Variants in PLEKHG1 observed in about 807,000 individuals in gnomAD.
PLEKHG1 encodes pleckstrin homology and RhoGEF domain containing G1.
Under a neutral mutation model 100.8 loss-of-function variants are expected in PLEKHG1, and 44 were observed. The ratio of observed to expected loss-of-function variants is 0.44; its 90% CI spans 0.34 to 0.56. The LOEUF (loss-of-function observed/expected upper bound fraction) is 0.56, where lower values mean the gene tolerates loss of function less well. PLEKHG1 is among the 20% of genes least tolerant of loss of function. PLEKHG1 has a pLI of 0.01. For synonymous variants in PLEKHG1, 640 were observed against 662.5 expected (o/e 0.97, Z 0.52); for missense variants, 1,545 against 1,720.9 (o/e 0.90, Z 1.81).
intron 2 of PLEKHG1, among the ~76,000 whole-genome samples, chr6:150,751,477 C>G (rs1316260995): frequency 6.6e-6 from 1 of 152,182 alleles, no homozygotes; most frequent in Non-Finnish European, 1.5e-5. Context: ...GCGATGGCAT[C>G]TCCACCAGCC....
chr6:150,826,042 G>T (rs535048817), intron 14 of PLEKHG1, among the ~76,000 whole-genome samples: 2 of 151,974 alleles, frequency 1.3e-5, no homozygotes, highest in Admixed American at 6.6e-5. Flanking sequence ...TCAGCAGGGC[G>T]TGGTCGTGGG....
intron 3 of PLEKHG1, among the ~76,000 whole-genome samples, chr6:150,771,445 G>T (rs569925375): frequency 1.3e-5 from 2 of 151,886 alleles, no homozygotes; most frequent in South Asian, 2.1e-4. Context: ...ATGAATGAAC[G>T]AACGAACGAG....
intron 3 of PLEKHG1, among the ~76,000 whole-genome samples, chr6:150,702,568 G>GTGTGTA (rs1455933122): frequency 6.6e-6 from 1 of 151,424 alleles, no homozygotes; most frequent in Non-Finnish European, 1.5e-5. Context: ...GTGTGTGTGT[G>GTGTGTA]TGTGTGTGTG....
rs149701528 is a variant in PLEKHG1 at position 150,626,326 on chromosome 6, C to T, written c.-203-11754C>T. 3.5e-3 allele frequency among the ~76,000 whole-genome samples: 532 copies of T among 152,294 alleles called. 5 individuals are homozygous for T. Among genetic ancestry groups the T allele is most frequent in the African/African-American group, 0.012 (508 of 41,550 alleles). On this transcript the variant is annotated intron_variant, in intron 1 of 3. Transcript: ENST00000367326. ...GGTGTTATCTTCAGAGGCCTTCAGG[C>T]GAAGGCTCAGAGTTCCATGGCCAGC... is the stretch of plus-strand genomic sequence containing the variant.
rs568732147 is a variant in PLEKHG1, at chr6:150,756,536, C to T, written c.412-12102C>T. ...CTTGACAAACCGCCCATAAAGAGGT[C>T]GGTCCTTGTGTAGATTCTTTATTTT... On this transcript the variant is annotated intron_variant, in intron 2 of 15. Transcript: ENST00000358517. Among the ~76,000 whole-genome samples the T allele has an allele frequency of 3.3e-5, 5 of 152,224 alleles. No individual in the cohort carries two copies. In the South Asian group the frequency reaches 6.2e-4, roughly 19 times the overall value.
chr6:150,663,180 A>G (rs1441159965), intron 3 of PLEKHG1: 1 of 152,238 alleles, frequency 6.6e-6, no homozygotes, highest in Non-Finnish European at 1.5e-5. Flanking sequence ...TCAGACCTGC[A>G]ATTAAACAAA....
chr6:150,656,169 G>A (rs1272429575), intron 3 of PLEKHG1, among the ~76,000 whole-genome samples: 1 of 152,014 alleles, frequency 6.6e-6, no homozygotes, highest in East Asian at 1.9e-4. Context: ...GTGGTATAGG[G>A]ACTAGACATT....
chr6:150,760,872 A>C (rs1784116772), intron 2 of PLEKHG1, among the ~76,000 whole-genome samples: 2 of 152,058 alleles, frequency 1.3e-5, no homozygotes, highest in Admixed American at 1.3e-4. Context: ...AACAAAATTA[A>C]GTTTTTCTGC....
chr6:150,607,187 C>T (rs1403322300), intron 1 of PLEKHG1, among the ~76,000 whole-genome samples: 1 of 152,114 alleles, frequency 6.6e-6, no homozygotes, highest in African/African-American at 2.4e-5. Context: ...GACCATGGTC[C>T]AGCCTTAGCC....
intron 2 of PLEKHG1, among the ~76,000 whole-genome samples, chr6:150,755,325 A>G (rs1465089673): frequency 6.6e-6 from 1 of 152,070 alleles, no homozygotes; most frequent in Non-Finnish European, 1.5e-5. Flanking sequence ...TAATCTTCAG[A>G]CTCTCTGCCA....
At chr6:150,691,203 G>A (rs992963087) in intron 3 of PLEKHG1, among the ~76,000 whole-genome samples, 4 of 152,174 alleles carry the variant, frequency 2.6e-5, no homozygotes, top group African/African-American at 9.7e-5. Context: ...GAGATGGTCT[G>A]TTCTAATTCC....
chr6:150,620,786 G>C (rs956182576), intron 1 of PLEKHG1, among the ~76,000 whole-genome samples: 1 of 152,270 alleles, frequency 6.6e-6, no homozygotes, highest in Middle Eastern at 3.4e-3. Flanking sequence ...CTCTGCCCTC[G>C]TGGGGTTTGC....
At chr6:150,617,486 GT>G (rs1486856791) in intron 1 of PLEKHG1, among the ~76,000 whole-genome samples, 2 of 152,180 alleles carry the variant, frequency 1.3e-5, no homozygotes, top group Non-Finnish European at 2.9e-5. Context: ...ACTTTTAAAT[GT>G]TTTTAATGAC....
At chr6:150,751,369 C>T (rs1783502391) in intron 2 of PLEKHG1, among the ~76,000 whole-genome samples, 2 of 151,974 alleles carry the variant, frequency 1.3e-5, no homozygotes, top group African/African-American at 2.4e-5. Context: ...CCCATGCTGA[C>T]AGTCAGCTGT....
chr6:150,745,725 G>A (rs1173806850), intron 2 of PLEKHG1, among the ~76,000 whole-genome samples: 1 of 151,036 alleles, frequency 6.6e-6, no homozygotes, highest in Non-Finnish European at 1.5e-5. Context: ...GAAAAATGGG[G>A]TACCAAGAAC....
intron 3 of PLEKHG1, among the ~76,000 whole-genome samples, chr6:150,701,420 TA>T (rs1780770849): frequency 1.8e-4 from 3 of 16,692 alleles, no homozygotes; most frequent in Non-Finnish European, 3.1e-4. Flanking sequence ...TAATTCTTTA[TA>T]TATATATATA....
intron 14 of PLEKHG1, among the ~76,000 whole-genome samples, chr6:150,830,122 C>G (rs966994681): frequency 6.6e-6 from 1 of 152,132 alleles, no homozygotes; most frequent in Non-Finnish European, 1.5e-5. Flanking sequence ...TAGCAGTAGT[C>G]TTACTACTGA....
At chr6:150,609,964 A>G (rs1776752953) in intron 1 of PLEKHG1, among the ~76,000 whole-genome samples, 1 of 152,082 alleles carries the variant, frequency 6.6e-6, no homozygotes, top group Admixed American at 6.5e-5. Context: ...CAAGAAAAGT[A>G]CCCAAAGCGG....
intron 4 of PLEKHG1, among the ~76,000 whole-genome samples, chr6:150,794,068 C>T (rs1033560873): frequency 1.3e-5 from 2 of 151,756 alleles, no homozygotes; most frequent in Non-Finnish European, 1.5e-5. Flanking sequence ...GGCAACAGAG[C>T]GAGAATCCAT....
Sources: gnomAD v4.1 joint callset for allele counts (sites outside exome capture counted in the v4.1 genomes callset) on GRCh38, gnomAD v4.1.1 for gene constraint, MANE v1.5 for transcripts, NCBI Gene and HGNC (gene_info 2026-07-23, HGNC 2026-07-21) for gene names.